Variants in EXOC4 observed in about 807,000 individuals in gnomAD.
EXOC4 encodes exocyst complex component 4.
EXOC4 carries 71 observed loss-of-function variants against 107.2 expected under a neutral mutation model. That is an observed-to-expected ratio of 0.66 (90% CI 0.55 to 0.81). The LOEUF is 0.81. EXOC4 is among the 30% of genes least tolerant of loss of function. The pLI is 0.00. For missense variants in EXOC4, 1,108 were observed against 1,189.6 expected, an observed-to-expected ratio of 0.93 and a Z score of 1.01; for synonymous variants, 456 against 441.2, an observed-to-expected ratio of 1.03 and a Z score of -0.42.
chr7:133,493,649 C>A (rs1799418709), intron 9 of EXOC4, among the ~76,000 whole-genome samples: 1 of 152,014 alleles, frequency 6.6e-6, no homozygotes, highest in Non-Finnish European at 1.5e-5. Flanking sequence ...CTAGAAACTC[C>A]TCCCCCCACC....
At chr7:133,305,828 C>T in intron 3 of EXOC4, 49 bp from the exon 4 acceptor site, 1 of 1,415,498 alleles carries the variant, frequency 7.1e-7, no homozygotes, top group African/African-American at 1.4e-5. Flanking sequence ...ATAATATTGC[C>T]AGGTTATTAA....
At chr7:133,346,902 T>A (rs552039830) in intron 5 of EXOC4, among the ~76,000 whole-genome samples, 1 of 152,146 alleles carries the variant, frequency 6.6e-6, no homozygotes, top group Non-Finnish European at 1.5e-5. Context: ...CATGTACAAA[T>A]ATAAATGAAA....
intron 14 of EXOC4, among the ~76,000 whole-genome samples, chr7:133,984,139 G>A (rs1190958091): frequency 6.6e-6 from 1 of 152,166 alleles, no homozygotes; most frequent in African/African-American, 2.4e-5. Flanking sequence ...ACGTCCTTGG[G>A]GACCTAGGGC....
At chr7:133,739,174 A>G (rs561105397) in intron 10 of EXOC4, among the ~76,000 whole-genome samples, 8 of 151,206 alleles carry the variant, frequency 5.3e-5, no homozygotes, top group African/African-American at 1.9e-4. Context: ...ATGGCATTGA[A>G]GTTTATCGTG....
At chr7:133,629,833 G>A (rs963567285) in intron 9 of EXOC4, among the ~76,000 whole-genome samples, 5 of 151,892 alleles carry the variant, frequency 3.3e-5, no homozygotes, top group East Asian at 1.9e-4. Flanking sequence ...GTGAGCCACC[G>A]TGCCCGGCTA....
rs1474083653 is a variant in EXOC4 at position 133,391,991 on chromosome 7, T to A, written c.1182+16989T>A. Among the ~76,000 whole-genome samples the A allele has an allele frequency of 2.0e-5, 3 of 152,340 alleles. No individual in the cohort carries two copies. The East Asian group carries it at 5.8e-4, about 29-fold the overall frequency. On this transcript the variant is annotated intron_variant, in intron 7 of 17. Coordinates refer to ENST00000253861, the MANE Select transcript of EXOC4 (RefSeq NM_021807.4). ...GTAACAAATAAAGGAATTACTTACT[T>A]TCCGCAGTAGTATAGGCAAGCACAA...
chr7:133,359,840 T>G (rs1388246364), intron 6 of EXOC4, among the ~76,000 whole-genome samples: 2 of 152,356 alleles, frequency 1.3e-5, no homozygotes, highest in Non-Finnish European at 2.9e-5. Context: ...AAAAAATCAC[T>G]TTGGTGACCT....
Position 133,985,997 on chromosome 7 carries a change from G to C in EXOC4, c.2207-11495G>C, listed in dbSNP as rs552625316. 5.3e-5 allele frequency among the ~76,000 whole-genome samples: 8 copies of C among 152,320 alleles called. No homozygotes were observed. The South Asian group carries it at 8.3e-4, about 16-fold the overall frequency. ...AGAGAGCAGTGAAAAGGCAGGGAAT[G>C]ATTGCTCCGTTATTGAGATGTAAAA... On this transcript the variant is annotated intron_variant, in intron 14 of 17. Coordinates refer to ENST00000253861, the MANE Select transcript of EXOC4 (RefSeq NM_021807.4).
intron 9 of EXOC4, among the ~76,000 whole-genome samples, chr7:133,577,757 G>A (rs760055942): frequency 1.3e-5 from 2 of 152,104 alleles, no homozygotes; most frequent in African/African-American, 2.4e-5. Context: ...TTTGTTTTCC[G>A]TAGGTCATAT....
intron 10 of EXOC4, among the ~76,000 whole-genome samples, chr7:133,749,257 T>C (rs1001788700): frequency 6.6e-6 from 1 of 152,182 alleles, no homozygotes; most frequent in African/African-American, 2.4e-5. Context: ...GAAGGGATGA[T>C]GGAAAGGAGA....
intron 11 of EXOC4, among the ~76,000 whole-genome samples, chr7:133,823,851 A>ATATATATATATATATAT (rs1474889827): frequency 2.7e-4 from 4 of 14,866 alleles, no homozygotes; most frequent in South Asian, 3.1e-3. Flanking sequence ...TATTATATAT[A>ATATATATATATATATAT]TATATATATA....
At chr7:133,658,498 C>G (rs937001612) in intron 10 of EXOC4, among the ~76,000 whole-genome samples, 1 of 152,124 alleles carries the variant, frequency 6.6e-6, no homozygotes, top group Non-Finnish European at 1.5e-5. Flanking sequence ...GCTCATGTTG[C>G]CCATGCCCCA....
intron 10 of EXOC4, among the ~76,000 whole-genome samples, chr7:133,654,829 C>T (rs548034158): frequency 6.6e-6 from 1 of 152,266 alleles, no homozygotes; most frequent in South Asian, 2.1e-4. Context: ...TCCTAGGCTA[C>T]AAACCTCAAC....
chr7:133,755,403 G>A (rs1231357615), intron 10 of EXOC4, among the ~76,000 whole-genome samples: 10 of 139,594 alleles, frequency 7.2e-5, no homozygotes, highest in African/African-American at 1.9e-4. Context: ...GAGTGCAGTG[G>A]CGCCATCTCA....
intron 10 of EXOC4, among the ~76,000 whole-genome samples, chr7:133,675,963 T>C (rs980805193): frequency 1.3e-5 from 2 of 152,132 alleles, no homozygotes; most frequent in African/African-American, 4.8e-5. Flanking sequence ...TATTTATGCT[T>C]GTACTATGAA....
chr7:133,386,270 T>A (rs1378706698), intron 7 of EXOC4, among the ~76,000 whole-genome samples: 1 of 152,244 alleles, frequency 6.6e-6, no homozygotes, highest in Non-Finnish European at 1.5e-5. Context: ...CTGAATGTTC[T>A]GAATATTTTG....
At chr7:134,030,592 A>G (rs1416403111) in intron 17 of EXOC4, among the ~76,000 whole-genome samples, 1 of 152,076 alleles carries the variant, frequency 6.6e-6, no homozygotes, top group African/African-American at 2.4e-5. Context: ...AGACACTTGC[A>G]TTTATTTCGT....
At chr7:133,489,877 C>T (rs943153532) in intron 9 of EXOC4, among the ~76,000 whole-genome samples, 4 of 152,160 alleles carry the variant, frequency 2.6e-5, no homozygotes, top group Non-Finnish European at 4.4e-5. Context: ...TGATATTTCG[C>T]TAGTCACAGG....
chr7:133,396,033 T>C (rs1796963956), intron 7 of EXOC4: 1 of 152,160 alleles, frequency 6.6e-6, no homozygotes, highest in Non-Finnish European at 1.5e-5. Context: ...TGATCTTTAA[T>C]AGAGTAGTGG....
Sources: gnomAD v4.1 joint callset for allele counts (sites outside exome capture counted in the v4.1 genomes callset) on GRCh38, gnomAD v4.1.1 for gene constraint, MANE v1.5 for transcripts, NCBI Gene and HGNC (gene_info 2026-07-23, HGNC 2026-07-21) for gene names.